TENM2: variants seen among roughly 807,000 people sequenced by gnomAD.
TENM2 encodes the protein teneurin transmembrane protein 2.
Under a neutral mutation model 245.2 loss-of-function variants are expected in TENM2, and 52 were observed. The observed-to-expected ratio is 0.21, with a 90% CI of 0.17 to 0.27. The LOEUF (loss-of-function observed/expected upper bound fraction) is 0.27. Ranked by LOEUF, TENM2 falls within the 10% of genes least tolerant of loss-of-function variation. The probability of loss-of-function intolerance (pLI) is 1.00; values close to 1 mark genes in which losing one functional copy is unlikely to be tolerated. For synonymous variants in TENM2, 1,363 were observed against 1,438.9 expected, an observed-to-expected ratio of 0.95 and a Z score of 1.19; for missense variants, 3,046 against 3,666.8, an observed-to-expected ratio of 0.83 and a Z score of 4.37.
chr5:167,316,113 C>T (rs899644154), intron 1 of TENM2, among the ~76,000 whole-genome samples: 12 of 152,240 alleles, frequency 7.9e-5, no homozygotes, highest in African/African-American at 1.4e-4. Context: ...TTTATCATGC[C>T]TCATGCTTCT....
At chr5:167,804,883 G>A (rs1299725377) in intron 2 of TENM2, among the ~76,000 whole-genome samples, 2 of 152,158 alleles carry the variant, frequency 1.3e-5, no homozygotes, top group Non-Finnish European at 2.9e-5. Flanking sequence ...AAAATGGCAG[G>A]AATAAAAAGC....
At chr5:167,192,639 G>A in the TENM2 span, among the ~76,000 whole-genome samples, 1 of 152,014 alleles carries the variant, frequency 6.6e-6, no homozygotes, top group African/African-American at 2.4e-5. Flanking sequence ...GAGTCAGATA[G>A]GCAATATCCT....
chr5:167,690,127 T>TTA (rs1396178634), intron 2 of TENM2, among the ~76,000 whole-genome samples: 1 of 138,530 alleles, frequency 7.2e-6, no homozygotes, highest in Non-Finnish European at 1.5e-5. Context: ...TTTTTTTTTT[T>TTA]AGTAATTCAA....
chr5:168,012,081 GC>G (rs1317794264), intron 5 of TENM2, among the ~76,000 whole-genome samples: 1 of 152,130 alleles, frequency 6.6e-6, no homozygotes, highest in East Asian at 1.9e-4. Flanking sequence ...GTAAATATAT[GC>G]TTGAGTGACT....
At chr5:166,986,610 A>G in the TENM2 span, among the ~76,000 whole-genome samples, 1 of 152,184 alleles carries the variant, frequency 6.6e-6, no homozygotes, top group African/African-American at 2.4e-5. Flanking sequence ...TTGAAAGTAT[A>G]TATGAACTTC....
At chr5:168,242,549 GC>G (rs571128266) in intron 25 of TENM2, among the ~76,000 whole-genome samples, 83 of 150,544 alleles carry the variant, frequency 5.5e-4, no homozygotes, top group Non-Finnish European at 1.1e-3. Context: ...TCTGTTTGAA[GC>G]TTTTTTTATC....
At chr5:168,169,085 A>G (rs955681320) in intron 13 of TENM2, among the ~76,000 whole-genome samples, 5 of 152,184 alleles carry the variant, frequency 3.3e-5, no homozygotes, top group African/African-American at 1.2e-4. Flanking sequence ...CCATCTTATT[A>G]GACGGCAATA....
intron 3 of TENM2, among the ~76,000 whole-genome samples, chr5:167,900,433 G>A (rs1775610756): frequency 6.6e-6 from 1 of 152,144 alleles, no homozygotes; most frequent in African/African-American, 2.4e-5. Context: ...ACTTTTCCAG[G>A]CTTGGCATGA....
chr5:168,189,813 G>A (rs2152508308), intron 13 of TENM2, among the ~76,000 whole-genome samples: 1 of 152,166 alleles, frequency 6.6e-6, no homozygotes, highest in African/African-American at 2.4e-5. Context: ...TCACTATGTT[G>A]CCCAGGTTGG....
At chr5:168,159,469 GCCTCTA>G (rs1314747718) in intron 12 of TENM2, among the ~76,000 whole-genome samples, 2 of 152,144 alleles carry the variant, frequency 1.3e-5, no homozygotes, top group Admixed American at 1.3e-4. Flanking sequence ...CCAGAGAAAA[GCCTCTA>G]CCTCATACCC....
intron 3 of TENM2, among the ~76,000 whole-genome samples, chr5:167,935,073 AAG>A (rs1561953391): frequency 3.3e-5 from 5 of 152,218 alleles, no homozygotes; most frequent in Non-Finnish European, 5.9e-5. Context: ...GAGCCAGGGC[AAG>A]AGTGTTCCCC....
At chr5:167,631,621 T>C (rs1778880087) in intron 2 of TENM2, among the ~76,000 whole-genome samples, 1 of 152,170 alleles carries the variant, frequency 6.6e-6, no homozygotes, top group Admixed American at 6.5e-5. Flanking sequence ...GAGCTGTCGC[T>C]GAGCATGTAC....
At chr5:167,014,094 T>G in the TENM2 span, among the ~76,000 whole-genome samples, 1 of 151,676 alleles carries the variant, frequency 6.6e-6, no homozygotes, top group Non-Finnish European at 1.5e-5. Context: ...ATTGTAGGAT[T>G]TAGGGATTAC....
At chr5:167,264,147 T>C in the TENM2 span, among the ~76,000 whole-genome samples, 1 of 151,912 alleles carries the variant, frequency 6.6e-6, no homozygotes. Flanking sequence ...TGGGTGCCCA[T>C]TTTAGAAATT....
At chr5:168,216,365 A>T (rs1412580656) in intron 21 of TENM2, among the ~76,000 whole-genome samples, 2 of 152,228 alleles carry the variant, frequency 1.3e-5, no homozygotes, top group African/African-American at 4.8e-5. Context: ...TACTGCTGCA[A>T]TCGGTTGTGA....
intron 9 of TENM2, among the ~76,000 whole-genome samples, chr5:168,110,729 C>T (rs1794612081): frequency 6.6e-6 from 1 of 152,136 alleles, no homozygotes; most frequent in South Asian, 2.1e-4. Flanking sequence ...TGCAGAAAAG[C>T]TTACTGTGTA....
chr5:168,165,645 CCAA>C (rs1562237584), intron 13 of TENM2, among the ~76,000 whole-genome samples: 17 of 18,372 alleles, frequency 9.3e-4, no homozygotes, highest in East Asian at 2.7e-3. Flanking sequence ...GATCCCCCCC[CCAA>C]CCCCCCCCCC....
intron 2 of TENM2, among the ~76,000 whole-genome samples, chr5:167,796,416 G>A (rs1368546212): frequency 1.3e-5 from 2 of 152,096 alleles, no homozygotes; most frequent in African/African-American, 2.4e-5. Context: ...GCAAATCGCT[G>A]TGGGTCTTTG....
intron 2 of TENM2, among the ~76,000 whole-genome samples, chr5:167,657,484 CT>C (rs1299074741): frequency 6.6e-6 from 1 of 152,128 alleles, no homozygotes; most frequent in Non-Finnish European, 1.5e-5. Context: ...GTTTCCTTTC[CT>C]TTGGATAAAT....
Sources: gnomAD v4.1 joint callset for allele counts (sites outside exome capture counted in the v4.1 genomes callset) on GRCh38, gnomAD v4.1.1 for gene constraint, MANE v1.5 for transcripts, NCBI Gene and HGNC (gene_info 2026-07-23, HGNC 2026-07-21) for gene names.